FBXL17: variants seen among roughly 807,000 people sequenced by gnomAD.
FBXL17 encodes the protein F-box/LRR-repeat protein 17.
A neutral mutation model predicts 66.2 loss-of-function variants in FBXL17; 22 were observed. The observed-to-expected ratio is 0.33, with a 90% confidence interval of 0.24 to 0.47. FBXL17 has a LOEUF of 0.47. Ranked by LOEUF, FBXL17 falls within the 20% of genes least tolerant of loss-of-function variation. The pLI, the probability that FBXL17 is intolerant of heterozygous loss-of-function variation, is 1.00. For synonymous variants in FBXL17, 474 were observed against 400.5 expected (o/e 1.18, Z -2.19); for missense variants, 878 against 948.2 (o/e 0.93, Z 0.97).
intron 6 of FBXL17, among the ~76,000 whole-genome samples, chr5:108,065,305 A>G (rs971979479): frequency 6.6e-6 from 1 of 152,226 alleles, no homozygotes; most frequent in Non-Finnish European, 1.5e-5. Context: ...ACATGTACGT[A>G]GGACATACAA....
At chr5:108,164,348 T>C (rs1349915750) in intron 6 of FBXL17, among the ~76,000 whole-genome samples, 5 of 152,180 alleles carry the variant, frequency 3.3e-5, no homozygotes, top group African/African-American at 1.2e-4. Flanking sequence ...CTTCCAAGTA[T>C]TACAAGAGGA....
At chr5:107,886,744 TA>T (rs1288600372) in intron 7 of FBXL17, among the ~76,000 whole-genome samples, 1 of 152,112 alleles carries the variant, frequency 6.6e-6, no homozygotes, top group African/African-American at 2.4e-5. Context: ...AATAATCAGA[TA>T]AATATAAACA....
intron 6 of FBXL17, among the ~76,000 whole-genome samples, chr5:108,139,509 A>G (rs1751271837): frequency 6.6e-6 from 1 of 152,182 alleles, no homozygotes; most frequent in African/African-American, 2.4e-5. Context: ...CTACAAATTT[A>G]TAGTTTCCAA....
intron 8 of FBXL17, among the ~76,000 whole-genome samples, chr5:107,872,767 C>T (rs1748498198): frequency 6.6e-6 from 1 of 152,314 alleles, no homozygotes; most frequent in East Asian, 1.9e-4. Context: ...AGGAACACTA[C>T]ACAGATTAAT....
intron 1 of FBXL17, among the ~76,000 whole-genome samples, chr5:108,372,322 T>C (rs1374951377): frequency 6.6e-6 from 1 of 152,068 alleles, no homozygotes; most frequent in African/African-American, 2.4e-5. Flanking sequence ...ATACATATAA[T>C]TGGAGGCACA....
intron 7 of FBXL17, among the ~76,000 whole-genome samples, chr5:107,949,917 A>G (rs1038220167): frequency 1.3e-5 from 2 of 152,152 alleles, no homozygotes; most frequent in Non-Finnish European, 2.9e-5. Context: ...TACGTTCTAC[A>G]TGACTTCTAA....
intron 4 of FBXL17, among the ~76,000 whole-genome samples, chr5:108,261,082 G>A (rs901278307): frequency 6.6e-6 from 1 of 151,952 alleles, no homozygotes; most frequent in Non-Finnish European, 1.5e-5. Context: ...AAATACAATA[G>A]AGATAAACAG....
At chr5:108,202,014 T>G (rs1304208202) in intron 5 of FBXL17, among the ~76,000 whole-genome samples, 2 of 152,082 alleles carry the variant, frequency 1.3e-5, no homozygotes, top group African/African-American at 4.8e-5. Flanking sequence ...TGATAAACAT[T>G]CAGAGTGGAC....
chr5:107,933,194 T>G (rs1750790528), intron 7 of FBXL17, among the ~76,000 whole-genome samples: 1 of 152,176 alleles, frequency 6.6e-6, no homozygotes, highest in Non-Finnish European at 1.5e-5. Flanking sequence ...TTGATATCAT[T>G]GAGTTACCAT....
intron 4 of FBXL17, among the ~76,000 whole-genome samples, chr5:108,294,333 C>T (rs996457040): frequency 4.0e-5 from 6 of 148,354 alleles, no homozygotes; most frequent in Non-Finnish European, 8.9e-5. Context: ...GTTCAAAATA[C>T]AGGCTCTAAC....
At chr5:108,045,690 C>A (rs1462675862) in intron 6 of FBXL17, among the ~76,000 whole-genome samples, 2 of 151,824 alleles carry the variant, frequency 1.3e-5, no homozygotes, top group African/African-American at 4.8e-5. Flanking sequence ...TATATTTTTT[C>A]AAATTATTTC....
At chr5:107,887,600 G>A (rs774932142) in intron 7 of FBXL17, among the ~76,000 whole-genome samples, 8 of 152,164 alleles carry the variant, frequency 5.3e-5, no homozygotes, top group Non-Finnish European at 1.2e-4. Flanking sequence ...AGATAAATAT[G>A]AAACGTGCTC....
chr5:108,101,183 C>T (rs575366681), intron 6 of FBXL17, among the ~76,000 whole-genome samples: 94 of 152,314 alleles, frequency 6.2e-4, no homozygotes, highest in Non-Finnish European at 1.0e-3. Flanking sequence ...AGAACCTCTT[C>T]AGAGCTTTGC....
chr5:107,863,528 A>G (rs1316786607), intron 8 of FBXL17, among the ~76,000 whole-genome samples: 3 of 143,300 alleles, frequency 2.1e-5, no homozygotes, highest in African/African-American at 4.9e-5. Context: ...ACTAAGTTAC[A>G]TAAGTATTCC....
chr5:108,154,228 C>T (rs286740), intron 6 of FBXL17, among the ~76,000 whole-genome samples: 96,567 of 144,828 alleles, frequency 0.67, 32,671 homozygotes, highest in East Asian at 0.93. Flanking sequence ...TTACAGAAAA[C>T]AGAGACACGT....
intron 7 of FBXL17, among the ~76,000 whole-genome samples, chr5:108,009,308 T>TACAAAC (rs1554056645): frequency 2.4e-5 from 1 of 42,220 alleles, no homozygotes; most frequent in Non-Finnish European, 4.7e-5. Flanking sequence ...TATACATATA[T>TACAAAC]ACATACACAT....
At chr5:108,232,225 G>C (rs1268113358) in intron 4 of FBXL17, among the ~76,000 whole-genome samples, 3 of 152,094 alleles carry the variant, frequency 2.0e-5, no homozygotes, top group Non-Finnish European at 2.9e-5. Context: ...CTTTACATAA[G>C]CATTTAAGTA....
At chr5:108,266,300 A>C (rs1022200637) in intron 4 of FBXL17, among the ~76,000 whole-genome samples, 1 of 151,782 alleles carries the variant, frequency 6.6e-6, no homozygotes. Flanking sequence ...ATTAAACAGA[A>C]ATTTCCAGAA....
intron 4 of FBXL17, among the ~76,000 whole-genome samples, chr5:108,326,898 C>T (rs1334642924): frequency 6.6e-6 from 1 of 152,128 alleles, no homozygotes; most frequent in Non-Finnish European, 1.5e-5. Flanking sequence ...CAACCACCTG[C>T]AAAACTCATA....
Sources: gnomAD v4.1 joint callset for allele counts (sites outside exome capture counted in the v4.1 genomes callset) on GRCh38, gnomAD v4.1.1 for gene constraint, MANE v1.5 for transcripts, NCBI Gene and HGNC (gene_info 2026-07-23, HGNC 2026-07-21) for gene names.